The following PSMD4 variants were observed in gnomAD, a reference collection of about 807,000 sequenced individuals.
The protein encoded by PSMD4 is proteasome 26S subunit ubiquitin receptor, non-ATPase 4.
Under a neutral mutation model 39.7 loss-of-function variants are expected in PSMD4, and 5 were observed. The ratio of observed to expected loss-of-function variants is 0.13; its 90% CI spans 0.07 to 0.26. The LOEUF is 0.26. Among genes scored for constraint, PSMD4 ranks in the 10% least tolerant of loss-of-function variants. PSMD4 has a pLI of 1.00. For synonymous variants in PSMD4, 143 were observed against 174.6 expected (o/e 0.82, Z 1.43); for missense variants, 272 against 486.1 (o/e 0.56, Z 4.14).
chr1:151,266,342 C>G lies in PSMD4; in HGVS notation c.798C>G (p.Ser266Arg). The change falls in exon 8 of 10, where the codon AGC becomes AGG. Residue 266 changes from serine (S) to arginine (R), a missense_variant. By Grantham distance (110) the Ser-to-Arg change is moderately radical (BLOSUM62 -1). Coordinates refer to ENST00000368884, the MANE Select transcript of PSMD4 (RefSeq NM_002810.4). The part of the protein sequence containing the change: ...SDDALLKMTI[S>R]QQEFGRTGLP... ...ATGCCCTGCTGAAGATGACCATCAG[C>G]CAGCAAGAGTTTGGCCGCACTGGGC... 6 of 1,614,210 alleles carry G rather than the reference C, an allele frequency of 3.7e-6. No individual in the cohort carries two copies. The highest frequency in any genetic ancestry group is 5.1e-6 in the Non-Finnish European group (6 of 1,180,040).
At chr1:151,260,160 T>C (rs998290323) in intron 1 of PSMD4, among the ~76,000 whole-genome samples, 6 of 151,494 alleles carry the variant, frequency 4.0e-5, no homozygotes, top group Admixed American at 3.3e-4. Flanking sequence ...GATCGAGCCA[T>C]TGCACTCCAG....
At chr1:151,258,373 C>T (rs955402266) in intron 1 of PSMD4, among the ~76,000 whole-genome samples, 5 of 151,672 alleles carry the variant, frequency 3.3e-5, no homozygotes, top group Admixed American at 3.3e-4. Context: ...AGTTCTTGGC[C>T]CCATGTAGTG....
intron 1 of PSMD4, among the ~76,000 whole-genome samples, chr1:151,257,949 T>C (rs1693216615): frequency 6.6e-6 from 1 of 152,096 alleles, no homozygotes; most frequent in Admixed American, 6.6e-5. Flanking sequence ...TTGATTTATT[T>C]GAGCGGTATT....
chr1:151,267,177 A>C lies in PSMD4; in HGVS notation c.968A>C (p.Glu323Ala), dbSNP rs1693470395. 1 of 1,613,738 alleles carries C rather than the reference A, an allele frequency of 6.2e-7. No homozygotes were observed. Among genetic ancestry groups the C allele is most frequent in the Admixed American group, 1.7e-5 (1 of 59,966 alleles). ...AMDTSEPAKEEDDYDVMQDPE... is the reference protein window; with the variant it reads ...AMDTSEPAKEADDYDVMQDPE... ...GCTCACACTGCCTGTTTGCAGGAGGAGGATGATTACGACGTGATGCAGGAC... is the reference window on the plus strand; with the variant it reads ...GCTCACACTGCCTGTTTGCAGGAGGCGGATGATTACGACGTGATGCAGGAC... Residue 323 changes from glutamate (E) to alanine (A), a missense_variant, in exon 10 of 10, where the codon GAG becomes GCG. By Grantham distance (107) the Glu-to-Ala change is moderately radical. Around this residue, in one of 3 missense-constraint regions of PSMD4, gnomAD observed 113 missense variants for 184.6 expected, o/e 0.61. Coordinates refer to ENST00000368884, the MANE Select transcript of PSMD4 (RefSeq NM_002810.4).
chr1:151,264,628 GAA>G (rs1287651100), intron 3 of PSMD4, among the ~76,000 whole-genome samples: 4 of 151,834 alleles, frequency 2.6e-5, no homozygotes, highest in Non-Finnish European at 1.5e-5. Flanking sequence ...AAAAAAGAGA[GAA>G]AGAGAATTAA....
At chr1:151,255,253 A>G (rs1693136638) in intron 1 of PSMD4, among the ~76,000 whole-genome samples, 1 of 152,152 alleles carries the variant, frequency 6.6e-6, no homozygotes, top group African/African-American at 2.4e-5. Context: ...CAAAGGTACC[A>G]TTTACAGATT....
intron 6 of PSMD4, 120 bp from the exon 7 acceptor site, chr1:151,265,884 C>T (rs1382138620): frequency 1.5e-6 from 2 of 1,332,194 alleles, no homozygotes; most frequent in Non-Finnish European, 1.0e-6. Flanking sequence ...CCAGCTTCTT[C>T]TCTGTGTGAT....
At chr1:151,254,927 C>T (rs997845270) in intron 1 of PSMD4, 119 bp downstream of exon 1, 28 of 1,287,616 alleles carry the variant, frequency 2.2e-5, no homozygotes, top group Admixed American at 3.9e-5. Context: ...GCCCTGGCCC[C>T]GGAGGTAAGG....
chr1:151,262,347 T>C, intron 2 of PSMD4, 46 bp downstream of exon 2: 1 of 1,608,024 alleles, frequency 6.2e-7, no homozygotes, highest in South Asian at 1.1e-5. Flanking sequence ...GGGTGGTTGT[T>C]ACATGCTACT....
chr1:151,260,921 C>T (rs1254803219), intron 1 of PSMD4, among the ~76,000 whole-genome samples: 1 of 151,436 alleles, frequency 6.6e-6, no homozygotes, highest in African/African-American at 2.4e-5. Context: ...TCTTGACTCA[C>T]TGCAACCTCG....
intron 1 of PSMD4, among the ~76,000 whole-genome samples, chr1:151,260,074 C>G (rs996488242): frequency 6.6e-6 from 1 of 151,938 alleles, no homozygotes; most frequent in African/African-American, 2.4e-5. Context: ...GGTTGCATGC[C>G]TGTTATCCCA....
At chr1:151,265,873 T>A in intron 6 of PSMD4, 131 bp from the exon 7 acceptor site, 1 of 1,282,676 alleles carries the variant, frequency 7.8e-7, no homozygotes. Flanking sequence ...TGCTTATCCC[T>A]CCAGCTTCTT....
At chr1:151,262,013 G>A (rs1420410089) in intron 1 of PSMD4, 148 bp from the exon 2 acceptor site, 2 of 757,206 alleles carry the variant, frequency 2.6e-6, no homozygotes, top group Non-Finnish European at 4.2e-6. Flanking sequence ...TGTGGGCTAA[G>A]GCTTGATCAT....
intron 7 of PSMD4, 28 bp from the exon 8 acceptor site, chr1:151,266,280 T>C: frequency 6.2e-7 from 1 of 1,613,950 alleles, no homozygotes; most frequent in Admixed American, 1.7e-5. Context: ...GCACCAATTC[T>C]ACCCTGCTCC....
At chr1:151,266,489 G>A in intron 8 of PSMD4, 31 bp from the exon 9 acceptor site, 2 of 1,614,228 alleles carry the variant, frequency 1.2e-6, no homozygotes, top group Non-Finnish European at 1.7e-6. Context: ...GTGAGGAAGT[G>A]TAACTGAACA....
rs1341561279 is a variant in PSMD4 at position 151,256,349 on chromosome 1, AAAAAAAATAATAATAAAAT to A, written c.26+1545_26+1563del. ...ACAGAGTGAGACTCCCTCTCAAAAA[AAAAAAAATAATAATAAAAT>A]AAATAAATAAATAAATAAATAAATA... On this transcript the variant is annotated intron_variant, in intron 1 of 9. Coordinates refer to ENST00000368884, the MANE Select transcript of PSMD4 (RefSeq NM_002810.4). Among the ~76,000 whole-genome samples the A allele has an allele frequency of 4.3e-5, 4 of 93,774 alleles. 1 individual carries two copies. The highest frequency in any genetic ancestry group is 6.9e-5 in the Non-Finnish European group (3 of 43,682). The allele number at this position is 93,774 out of a possible 152,430, so 61.5% of individuals were successfully genotyped here.
intron 1 of PSMD4, among the ~76,000 whole-genome samples, chr1:151,256,677 T>G (rs1029851350): frequency 1.3e-5 from 2 of 150,816 alleles, no homozygotes; most frequent in African/African-American, 2.4e-5. Flanking sequence ...GCTCAGGTGA[T>G]CCACCCGCCT....
rs1360413268 is a variant in PSMD4 at position 151,263,903 on chromosome 1, C to G, written c.168-11C>G. The G allele has an allele frequency of 6.5e-7, 1 of 1,543,064 alleles. No individual in the cohort carries two copies. Among genetic ancestry groups the G allele is most frequent in the Non-Finnish European group, 8.8e-7 (1 of 1,134,216 alleles). ...ACCTGAATTCACTGAAATGCTTTTC[C>G]TACATCCCAGTGACTGTGAAGTGCT... is the stretch of plus-strand genomic sequence containing the variant. On this transcript the variant is annotated splice_polypyrimidine_tract_variant and intron_variant, in intron 2 of 9. Coordinates refer to ENST00000368884, the MANE Select transcript of PSMD4 (RefSeq NM_002810.4).
chr1:151,263,852 G>T, intron 2 of PSMD4, 62 bp from the exon 3 acceptor site: 1 of 1,140,668 alleles, frequency 8.8e-7, no homozygotes, highest in African/African-American at 1.6e-5. Context: ...ATAAAAGTTA[G>T]ACACAGTTTA....
Sources: allele counts gnomAD v4.1 joint callset (sites outside exome capture counted in the v4.1 genomes callset), GRCh38; gene constraint gnomAD v4.1.1; regional missense constraint gnomAD v4.1.1; transcripts MANE v1.5; gene names NCBI Gene and HGNC (gene_info 2026-07-23, HGNC 2026-07-21).